Variants in SLC35F1 observed in about 807,000 individuals in gnomAD.
The protein encoded by SLC35F1 is chromosome 6 open reading frame 169.
Under a neutral mutation model 48.7 loss-of-function variants are expected in SLC35F1, and 14 were observed. The observed-to-expected ratio is 0.29, with a 90% confidence interval of 0.19 to 0.45. The LOEUF (loss-of-function observed/expected upper bound fraction) is 0.45. Ranked by LOEUF, SLC35F1 falls within the 20% of genes least tolerant of loss-of-function variation. The pLI, the probability that SLC35F1 is intolerant of heterozygous loss-of-function variation, is 1.00. For synonymous variants in SLC35F1, 190 were observed against 202.2 expected, an observed-to-expected ratio of 0.94 and a Z score of 0.51; for missense variants, 404 against 500.0, an observed-to-expected ratio of 0.81 and a Z score of 1.83.
At chr6:117,924,164 CAT>C (rs1175662781) in intron 1 of SLC35F1, among the ~76,000 whole-genome samples, 1 of 120,284 alleles carries the variant, frequency 8.3e-6, no homozygotes, top group Non-Finnish European at 1.7e-5. Flanking sequence ...CATAGGTACA[CAT>C]GCATATGTAT....
chr6:118,081,097 CT>C (rs1034266400), intron 1 of SLC35F1, among the ~76,000 whole-genome samples: 3 of 152,176 alleles, frequency 2.0e-5, no homozygotes, highest in African/African-American at 7.2e-5. Context: ...CACATTAAAT[CT>C]TCCCTTTAAT....
chr6:117,934,083 G>A (rs1582571609), intron 1 of SLC35F1, among the ~76,000 whole-genome samples: 1 of 152,126 alleles, frequency 6.6e-6, no homozygotes, highest in East Asian at 1.9e-4. Context: ...GCTGCAAAGG[G>A]AATGAGCCGC....
At chr6:118,304,368 TA>T (rs746442246) in intron 7 of SLC35F1, among the ~76,000 whole-genome samples, 7,116 of 117,040 alleles carry the variant, frequency 0.061, 180 homozygotes, top group African/African-American at 0.071. Flanking sequence ...CTTCATCTCT[TA>T]AAAAAAAAAA....
chr6:118,309,903 G>A (rs1776353771), intron 7 of SLC35F1, among the ~76,000 whole-genome samples: 1 of 152,156 alleles, frequency 6.6e-6, no homozygotes, highest in African/African-American at 2.4e-5. Context: ...ATAATAGCTT[G>A]TGTCTCAGTC....
chr6:118,273,429 C>T lies in SLC35F1; in HGVS notation c.638-2030C>T, dbSNP rs368777354. On this transcript the variant is annotated intron_variant, in intron 4 of 7. Coordinates refer to ENST00000360388, the MANE Select transcript of SLC35F1 (RefSeq NM_001029858.4). ...TATATTATGCAGCACTTCCACACTTCACTAGTACAACAATAATTGATATTC... is the reference window on the plus strand; with the variant it reads ...TATATTATGCAGCACTTCCACACTTTACTAGTACAACAATAATTGATATTC... Among the ~76,000 whole-genome samples, 50 of 152,304 alleles carry T rather than the reference C, an allele frequency of 3.3e-4. 2 individuals are homozygous for T. The East Asian group carries it at 3.5e-3, about 11-fold the overall frequency.
At chr6:117,910,575 A>G (rs577381110) in intron 1 of SLC35F1, among the ~76,000 whole-genome samples, 1 of 152,342 alleles carries the variant, frequency 6.6e-6, no homozygotes, top group African/African-American at 2.4e-5. Context: ...CTGGGAGCCA[A>G]TATAAAAAAT....
At chr6:117,909,724 A>G (rs1263648598) in intron 1 of SLC35F1, among the ~76,000 whole-genome samples, 1 of 152,206 alleles carries the variant, frequency 6.6e-6, no homozygotes, top group African/African-American at 2.4e-5. Flanking sequence ...AATGTATTCA[A>G]CTCATTTTTT....
chr6:117,950,249 C>G (rs1776346733), intron 1 of SLC35F1, among the ~76,000 whole-genome samples: 1 of 152,174 alleles, frequency 6.6e-6, no homozygotes, highest in Non-Finnish European at 1.5e-5. Context: ...ATACATCTAG[C>G]AAGGGCATGC....
chr6:118,026,934 TG>T (rs1216615218), intron 1 of SLC35F1, among the ~76,000 whole-genome samples: 3 of 152,154 alleles, frequency 2.0e-5, no homozygotes, highest in Non-Finnish European at 4.4e-5. Flanking sequence ...ATAGTACATT[TG>T]TCTCTCCAAA....
At chr6:118,183,263 A>G (rs536365195) in intron 2 of SLC35F1, among the ~76,000 whole-genome samples, 13 of 152,150 alleles carry the variant, frequency 8.5e-5, no homozygotes, top group African/African-American at 2.9e-4. Context: ...CTAAAATTTC[A>G]CTCCCTGAAA....
At chr6:118,313,292 A>G (rs1201771833) in intron 7 of SLC35F1, among the ~76,000 whole-genome samples, 1 of 152,210 alleles carries the variant, frequency 6.6e-6, no homozygotes, top group Non-Finnish European at 1.5e-5. Flanking sequence ...CAGGAGTCAT[A>G]ATTTTCCAAA....
chr6:117,917,468 G>T (rs1001089630), intron 1 of SLC35F1, among the ~76,000 whole-genome samples: 1 of 151,906 alleles, frequency 6.6e-6, no homozygotes, highest in Non-Finnish European at 1.5e-5. Context: ...CAACAGAAGT[G>T]GAGACAAGCG....
rs1412504304 is a variant in SLC35F1, at chr6:117,923,731, G to GTATA, written c.173+15837_173+15840dup. Among the ~76,000 whole-genome samples, 6 of 70,016 alleles carry GTATA rather than the reference G, an allele frequency of 8.6e-5. 1 individual carries two copies. Among genetic ancestry groups the GTATA allele is most frequent in the East Asian group, 4.0e-4 (1 of 2,504 alleles). The allele number at this position is 70,016 out of a possible 152,430, so 45.9% of individuals were successfully genotyped here. A position where few individuals can be genotyped will look rare whatever the true frequency, so the allele number is the denominator to read the frequency against. ...TGTACATATATACATATATACATATGTATATATACATATATGTACATATAT... is the reference window on the plus strand; with the variant it reads ...TGTACATATATACATATATACATATGTATATATATATACATATATGTACATATAT... On this transcript the variant is annotated intron_variant, in intron 1 of 7. Coordinates refer to ENST00000360388, the MANE Select transcript of SLC35F1 (RefSeq NM_001029858.4).
Position 117,923,655 on chromosome 6 carries a change from ATATG to A in SLC35F1, c.173+15760_173+15763del, listed in dbSNP as rs57847006. The stretch of plus-strand genomic sequence containing the variant: ...TATATGTACATATGTACATATGTAC[ATATG>A]TATATATACATATATGTACATATAT... On this transcript the variant is annotated intron_variant, in intron 1 of 7. Transcript: ENST00000360388. 2.8e-5 allele frequency among the ~76,000 whole-genome samples: 2 copies of A among 70,586 alleles called. 1 individual carries two copies. The highest frequency in any genetic ancestry group is 9.0e-5 in the African/African-American group (2 of 22,146). 46.3% of individuals were successfully genotyped at this position (70,586 alleles called of 152,430 possible).
chr6:118,168,656 A>G (rs1278395375), intron 2 of SLC35F1, among the ~76,000 whole-genome samples: 2 of 152,146 alleles, frequency 1.3e-5, no homozygotes, highest in Non-Finnish European at 2.9e-5. Flanking sequence ...GAGCAGTTAT[A>G]TATAGGTCAG....
chr6:118,166,579 C>T (rs1774321108), intron 2 of SLC35F1, among the ~76,000 whole-genome samples: 2 of 152,132 alleles, frequency 1.3e-5, no homozygotes, highest in East Asian at 1.9e-4. Context: ...GAAGAACTCA[C>T]CTTCTAAAAA....
chr6:118,231,548 A>C (rs1015400048), intron 2 of SLC35F1, among the ~76,000 whole-genome samples: 10 of 152,220 alleles, frequency 6.6e-5, no homozygotes, highest in Non-Finnish European at 1.5e-4. Flanking sequence ...GCCAAAAATA[A>C]AAAAGCCTTC....
chr6:118,076,204 T>G (rs1176679917), intron 1 of SLC35F1, among the ~76,000 whole-genome samples: 1 of 152,238 alleles, frequency 6.6e-6, no homozygotes, highest in African/African-American at 2.4e-5. Context: ...CCAAATTACA[T>G]AAATTATAGT....
chr6:117,938,220 G>A (rs1776184211), intron 1 of SLC35F1, among the ~76,000 whole-genome samples: 1 of 152,054 alleles, frequency 6.6e-6, no homozygotes, highest in Admixed American at 6.6e-5. Flanking sequence ...CTAAGTGCTA[G>A]TTACTGATCT....
Sources: allele counts gnomAD v4.1 joint callset (sites outside exome capture counted in the v4.1 genomes callset), GRCh38; gene constraint gnomAD v4.1.1; transcripts MANE v1.5; gene names NCBI Gene and HGNC (gene_info 2026-07-23, HGNC 2026-07-21).